NUDCD3: variants seen among roughly 807,000 people sequenced by gnomAD.
The protein encoded by NUDCD3 is NudC domain containing 3, also known as nudC domain-containing protein 3.
In NUDCD3, 13 loss-of-function variants were observed where a neutral mutation model predicts 39.7. That is an observed-to-expected ratio of 0.33 (90% confidence interval 0.21 to 0.52). The LOEUF (loss-of-function observed/expected upper bound fraction) is 0.52, where lower values mean the gene tolerates loss of function less well. Among genes scored for constraint, NUDCD3 ranks in the 20% least tolerant of loss-of-function variants. The pLI, the probability that NUDCD3 is intolerant of heterozygous loss-of-function variation, is 0.96. For missense variants in NUDCD3, 453 were observed against 458.1 expected, an observed-to-expected ratio of 0.99 and a Z score of 0.10; for synonymous variants, 175 against 172.4, an observed-to-expected ratio of 1.02 and a Z score of -0.12.
Position 44,436,815 on chromosome 7 carries a change from T to A in NUDCD3, c.510-9112A>T, listed in dbSNP as rs146515315. ...TATATATGTGGATAAGAATTATTTG[T>A]TGGTTTACAGTTTACAAATTCTTTC... On this transcript the variant is annotated intron_variant, in intron 2 of 5. Coordinates refer to ENST00000355451, the MANE Select transcript of NUDCD3 (RefSeq NM_015332.4). Among the ~76,000 whole-genome samples the A allele has an allele frequency of 1.0e-3, 157 of 152,344 alleles. 1 individual carries two copies. The highest frequency in any genetic ancestry group is 3.4e-3 in the Middle Eastern group (1 of 294).
At chr7:44,388,155 A>T (rs890421668) in intron 5 of NUDCD3, among the ~76,000 whole-genome samples, 1 of 152,256 alleles carries the variant, frequency 6.6e-6, no homozygotes, top group Admixed American at 6.5e-5. Context: ...TGGCATTAGA[A>T]GCACAATTTG....
At chr7:44,434,564 G>A (rs915968130) in intron 2 of NUDCD3, among the ~76,000 whole-genome samples, 2 of 151,948 alleles carry the variant, frequency 1.3e-5, no homozygotes, top group Admixed American at 6.6e-5. Context: ...TGACCCCCCC[G>A]CCCCGCAATA....
At chr7:44,483,864 CA>C (rs774451713) in intron 2 of NUDCD3, among the ~76,000 whole-genome samples, 1 of 152,140 alleles carries the variant, frequency 6.6e-6, no homozygotes, top group Non-Finnish European at 1.5e-5. Context: ...CAAAATTAAC[CA>C]GATGTGGTGG....
Position 44,490,609 on chromosome 7 carries a change from C to T in NUDCD3, c.-9G>A, listed in dbSNP as rs1034346168. ...GCCGCCCCTGTCTCCATGTCGCCTC[C>T]CGCCCTAGGTACGCTTCACACACAC... On this transcript the variant is annotated 5_prime_UTR_variant, in exon 1 of 6. Transcript: ENST00000355451. 4.4e-6 allele frequency: 7 copies of T among 1,598,740 alleles called. No homozygotes were observed. The highest frequency in any genetic ancestry group is 6.0e-6 in the Non-Finnish European group (7 of 1,173,016).
At chr7:44,396,006 G>C (rs1353509816) in intron 4 of NUDCD3, among the ~76,000 whole-genome samples, 2 of 152,054 alleles carry the variant, frequency 1.3e-5, no homozygotes, top group Non-Finnish European at 2.9e-5. Context: ...TTCGAAAGCA[G>C]CTGCACCACT....
At chr7:44,429,580 T>C (rs1799312287) in intron 2 of NUDCD3, among the ~76,000 whole-genome samples, 1 of 152,214 alleles carries the variant, frequency 6.6e-6, no homozygotes, top group Admixed American at 6.5e-5. Context: ...AAGCCGGCCA[T>C]TTTGTGGTAC....
At chr7:44,489,574 T>C (rs769359680) in intron 1 of NUDCD3, among the ~76,000 whole-genome samples, 2 of 152,358 alleles carry the variant, frequency 1.3e-5, no homozygotes, top group African/African-American at 4.8e-5. Flanking sequence ...CTTGGCTGAA[T>C]AGTTTCTTTT....
chr7:44,411,081 G>A (rs371235952), intron 3 of NUDCD3, among the ~76,000 whole-genome samples: 1 of 152,218 alleles, frequency 6.6e-6, no homozygotes, highest in Non-Finnish European at 1.5e-5. Flanking sequence ...CATGAGAACT[G>A]AGTATTCACA....
chr7:44,399,356 T>C (rs927262188), intron 4 of NUDCD3, among the ~76,000 whole-genome samples: 1 of 152,254 alleles, frequency 6.6e-6, no homozygotes, highest in African/African-American at 2.4e-5. Flanking sequence ...CACTGAAGGC[T>C]TAAGGGCTCA....
intron 2 of NUDCD3, among the ~76,000 whole-genome samples, chr7:44,441,900 G>C (rs1459930367): frequency 6.6e-6 from 1 of 152,140 alleles, no homozygotes; most frequent in Non-Finnish European, 1.5e-5. Flanking sequence ...CCACAGAGAT[G>C]AGCAGCCTAG....
intron 4 of NUDCD3, among the ~76,000 whole-genome samples, chr7:44,400,908 T>A (rs1244451244): frequency 1.3e-5 from 2 of 152,204 alleles, no homozygotes; most frequent in African/African-American, 4.8e-5. Context: ...TTTTCCCAAA[T>A]AAGGCCACAT....
At chr7:44,463,725 A>G (rs1299538892) in intron 2 of NUDCD3, among the ~76,000 whole-genome samples, 2 of 152,184 alleles carry the variant, frequency 1.3e-5, no homozygotes. Context: ...TGAGCCCAAG[A>G]ACAATTGTTA....
chr7:44,410,525 G>A (rs1410092429), intron 3 of NUDCD3, among the ~76,000 whole-genome samples: 4 of 152,128 alleles, frequency 2.6e-5, no homozygotes, highest in African/African-American at 9.7e-5. Context: ...TTATCCGGGT[G>A]TGGTGGCGGG....
chr7:44,480,054 C>A (rs552545950), intron 2 of NUDCD3, among the ~76,000 whole-genome samples: 54 of 152,232 alleles, frequency 3.5e-4, no homozygotes, highest in Admixed American at 2.9e-3. Flanking sequence ...AAAGAGCTAC[C>A]AAGTAGAAAG....
At chr7:44,442,698 T>C (rs1360989152) in intron 2 of NUDCD3, among the ~76,000 whole-genome samples, 10 of 148,872 alleles carry the variant, frequency 6.7e-5, no homozygotes, top group Admixed American at 2.7e-4. Flanking sequence ...CTTTTCTTTT[T>C]TTTTTTTTTT....
chr7:44,486,855 T>C (rs1271157783), intron 1 of NUDCD3, among the ~76,000 whole-genome samples: 3 of 152,200 alleles, frequency 2.0e-5, no homozygotes, highest in African/African-American at 7.2e-5. Flanking sequence ...CAGGAAGTGC[T>C]ACCACTGCCA....
chr7:44,453,541 T>C (rs1799834443), intron 2 of NUDCD3, among the ~76,000 whole-genome samples: 1 of 152,164 alleles, frequency 6.6e-6, no homozygotes, highest in Non-Finnish European at 1.5e-5. Flanking sequence ...TATAACTCTG[T>C]ACATCTAACC....
At chr7:44,394,893 G>A (rs1483075606) in intron 4 of NUDCD3, among the ~76,000 whole-genome samples, 1 of 152,212 alleles carries the variant, frequency 6.6e-6, no homozygotes, top group Non-Finnish European at 1.5e-5. Flanking sequence ...CACACCCAGA[G>A]TGGAGGGCTC....
chr7:44,404,008 T>C (rs1462729577), intron 4 of NUDCD3, among the ~76,000 whole-genome samples: 1 of 152,170 alleles, frequency 6.6e-6, no homozygotes, highest in Non-Finnish European at 1.5e-5. Context: ...ACTGGTAACA[T>C]GTGAGCTGTT....
Sources: allele counts gnomAD v4.1 joint callset (sites outside exome capture counted in the v4.1 genomes callset), GRCh38; gene constraint gnomAD v4.1.1; transcripts MANE v1.5; gene names NCBI Gene and HGNC (gene_info 2026-07-23, HGNC 2026-07-21).